Variants in SAXO1 observed in about 807,000 individuals in gnomAD.
The protein encoded by SAXO1 is 4930500O09Rik.
In SAXO1, 21 loss-of-function variants were observed where a neutral mutation model predicts 17.5. The ratio of observed to expected loss-of-function variants is 1.20; its 90% CI spans 0.85 to 1.72. The LOEUF (loss-of-function observed/expected upper bound fraction) is 1.72. Ranked by LOEUF, SAXO1 falls within the 40% of genes most tolerant of loss-of-function variation. The pLI is 0.00. For synonymous variants in SAXO1, 274 were observed against 216.5 expected, an observed-to-expected ratio of 1.27 and a Z score of -2.33; for missense variants, 843 against 596.0, an observed-to-expected ratio of 1.41 and a Z score of -4.32.
intron 1 of SAXO1, among the ~76,000 whole-genome samples, chr9:18,953,761 C>T (rs1272867952): frequency 6.6e-6 from 1 of 151,952 alleles, no homozygotes; most frequent in Non-Finnish European, 1.5e-5. Context: ...GGAAGCTAGC[C>T]AATATTATAT....
rs1033584990 is a variant in SAXO1 at position 19,007,800 on chromosome 9, G to A, written c.38+25071C>T. On this transcript the variant is annotated intron_variant, in intron 1 of 3. Transcript: ENST00000380534. ...AATTAACAGGGATATTTCACGACAC[G>A]TGAAAATTGTATGTAATTTCCATTT... 2.6e-5 allele frequency among the ~76,000 whole-genome samples: 4 copies of A among 152,248 alleles called. No individual in the cohort carries two copies. The East Asian group carries it at 5.8e-4, about 22-fold the overall frequency.
chr9:18,928,699 T>C lies in SAXO1; in HGVS notation c.778A>G (p.Arg260Gly), dbSNP rs1245681942. ...AAAGGCATGTCTAGCCCAGGAGGCC[T>C]GGCTAGAGGTTTCAAGCTCTTGGCA... ...EPAKSLKPLA[R>G]PPGLDMPFCN... The change falls in exon 4 of 4, where the codon AGG becomes GGG. Residue 260 changes from arginine to glycine, a missense_variant. Coordinates refer to ENST00000380534, the MANE Select transcript of SAXO1 (RefSeq NM_153707.4). The C allele has an allele frequency of 6.2e-7, 1 of 1,614,044 alleles. No individual in the cohort carries two copies. The highest frequency in any genetic ancestry group is 8.5e-7 in the Non-Finnish European group (1 of 1,180,036).
At chr9:18,962,592 T>C (rs1169888983) in intron 1 of SAXO1, among the ~76,000 whole-genome samples, 1 of 152,212 alleles carries the variant, frequency 6.6e-6, no homozygotes, top group Non-Finnish European at 1.5e-5. Flanking sequence ...CTGTTCACTC[T>C]GATGATAGTT....
intron 3 of SAXO1, among the ~76,000 whole-genome samples, chr9:18,931,993 CCACCTGA>C (rs1272313144): frequency 6.6e-6 from 1 of 152,130 alleles, no homozygotes; most frequent in Non-Finnish European, 1.5e-5. Context: ...AACAAAACAC[CCACCTGA>C]CACCTGACTC....
chr9:19,033,690 G>C (rs1242909275), upstream of SAXO1, among the ~76,000 whole-genome samples: 1 of 152,226 alleles, frequency 6.6e-6, no homozygotes, highest in Non-Finnish European at 1.5e-5. Context: ...GCTCAGGTGG[G>C]TTCTCAATCA....
chr9:18,952,036 A>G (rs7043607), intron 1 of SAXO1, among the ~76,000 whole-genome samples: 21,518 of 152,156 alleles, frequency 0.14, 3,110 homozygotes, highest in African/African-American at 0.37. Context: ...GAGCTTTTCC[A>G]TTTTACTTGC....
intron 1 of SAXO1, among the ~76,000 whole-genome samples, chr9:18,977,865 C>T (rs1282461533): frequency 2.0e-5 from 3 of 151,664 alleles, no homozygotes; most frequent in Non-Finnish European, 4.4e-5. Context: ...CATGATGGAG[C>T]GTGCCTGTAA....
chr9:19,042,740 T>C (rs1836106904), intron 1 of SAXO1, among the ~76,000 whole-genome samples: 1 of 152,072 alleles, frequency 6.6e-6, no homozygotes, highest in East Asian at 1.9e-4. Context: ...TGCATGCCTG[T>C]AATCCCCGCT....
intron 1 of SAXO1, among the ~76,000 whole-genome samples, chr9:18,961,092 A>G (rs1198498196): frequency 6.6e-6 from 1 of 152,218 alleles, no homozygotes; most frequent in East Asian, 1.9e-4. Context: ...CAATTATTGA[A>G]CTGTACTTAA....
intron 1 of SAXO1, among the ~76,000 whole-genome samples, chr9:18,988,843 G>A (rs992230199): frequency 6.6e-5 from 10 of 152,142 alleles, no homozygotes; most frequent in African/African-American, 2.4e-4. Context: ...AATATGATTC[G>A]CTTTATAATG....
At chr9:19,014,305 AC>A (rs1834875107) in intron 1 of SAXO1, among the ~76,000 whole-genome samples, 1 of 151,838 alleles carries the variant, frequency 6.6e-6, no homozygotes, top group South Asian at 2.1e-4. Flanking sequence ...TACTGAAAAT[AC>A]AAAAACTTAG....
chr9:18,975,570 A>C (rs1833114088), intron 1 of SAXO1, among the ~76,000 whole-genome samples: 2 of 152,244 alleles, frequency 1.3e-5, no homozygotes, highest in Admixed American at 1.3e-4. Context: ...TAACAAAGCT[A>C]GACCCTGATA....
At chr9:19,018,075 G>T (rs2131008914) in intron 1 of SAXO1, among the ~76,000 whole-genome samples, 1 of 152,044 alleles carries the variant, frequency 6.6e-6, no homozygotes, top group East Asian at 1.9e-4. Context: ...GGCTGAGGTG[G>T]GAGGATCACT....
intron 2 of SAXO1, among the ~76,000 whole-genome samples, chr9:18,942,484 T>C (rs1427165415): frequency 6.6e-6 from 1 of 152,166 alleles, no homozygotes; most frequent in African/African-American, 2.4e-5. Context: ...GCTGCCACCT[T>C]CTCTGTGTTC....
intron 1 of SAXO1, among the ~76,000 whole-genome samples, chr9:19,031,575 A>G (rs1183815829): frequency 2.0e-5 from 3 of 152,228 alleles, no homozygotes; most frequent in African/African-American, 7.2e-5. Flanking sequence ...AAGAAAAAAG[A>G]AAGGCGGCCT....
intron 1 of SAXO1, among the ~76,000 whole-genome samples, chr9:18,956,848 C>T (rs1832278954): frequency 6.6e-6 from 1 of 152,192 alleles, no homozygotes; most frequent in Non-Finnish European, 1.5e-5. Flanking sequence ...AATCTCACAG[C>T]AATGCGATGA....
intron 2 of SAXO1, among the ~76,000 whole-genome samples, chr9:18,945,938 C>T (rs1290026662): frequency 6.6e-6 from 1 of 152,138 alleles, no homozygotes; most frequent in African/African-American, 2.4e-5. Flanking sequence ...GGGAGGGCAG[C>T]TAAAAGGCAG....
chr9:19,025,347 T>C (rs1835430195), intron 1 of SAXO1, among the ~76,000 whole-genome samples: 1 of 152,186 alleles, frequency 6.6e-6, no homozygotes, highest in African/African-American at 2.4e-5. Context: ...AAACATGTAA[T>C]ATGAAACCAA....
At position 18,927,960 on chromosome 9, in the gene SAXO1, C is replaced by T. The variant is rs1830834747; in HGVS notation, c.*92G>A. 5 of 1,401,544 alleles carry T rather than the reference C, an allele frequency of 3.6e-6. No homozygotes were observed. The highest frequency in any genetic ancestry group is 3.8e-6 in the Non-Finnish European group (4 of 1,051,320). The allele number at this position is 1,401,544 out of a possible 1,614,324, so 86.8% of individuals were successfully genotyped here. A position where few individuals can be genotyped will look rare whatever the true frequency, so the allele number is the denominator to read the frequency against. On this transcript the variant is annotated 3_prime_UTR_variant, in exon 4 of 4. Coordinates refer to ENST00000380534, the MANE Select transcript of SAXO1 (RefSeq NM_153707.4). ...AGGTTTTTTGTTTTTTGTTTTTTGTCATTTTAGGGAATTCTTTTTTGTCCA... is the reference window on the plus strand; with the variant it reads ...AGGTTTTTTGTTTTTTGTTTTTTGTTATTTTAGGGAATTCTTTTTTGTCCA...
Sources: gnomAD v4.1 joint callset for allele counts (sites outside exome capture counted in the v4.1 genomes callset) on GRCh38, gnomAD v4.1.1 for gene constraint, MANE v1.5 for transcripts, NCBI Gene and HGNC (gene_info 2026-07-23, HGNC 2026-07-21) for gene names.